RAPGEF4: variants seen among roughly 807,000 people sequenced by gnomAD.
RAPGEF4 encodes Rap guanine nucleotide exchange factor 4.
Under a neutral mutation model 147.9 loss-of-function variants are expected in RAPGEF4, and 66 were observed. The observed-to-expected ratio is 0.45, with a 90% CI of 0.37 to 0.55. RAPGEF4 has a LOEUF of 0.55. Ranked by LOEUF, RAPGEF4 falls within the 20% of genes least tolerant of loss-of-function variation. RAPGEF4 has a pLI of 0.00. For missense variants in RAPGEF4, 1,071 were observed against 1,257.3 expected (o/e 0.85, Z 2.24); for synonymous variants, 419 against 442.7 (o/e 0.95, Z 0.67).
Position 172,967,409 on chromosome 2 carries a change from C to T in RAPGEF4, c.969C>T (p.Gly323=). Residue 323 remains glycine (G), a synonymous_variant, in exon 10 of 31, where the codon GGC becomes GGT. Coordinates refer to ENST00000397081, the MANE Select transcript of RAPGEF4 (RefSeq NM_007023.4). ...QDTMLLLSQM[G]PDAHMRMILR... ...CCATGCTGCTGCTGTCACAGATGGG[C>T]CCCGACGCCCACATGAGGATGATCC... 2 of 1,611,738 alleles carry T rather than the reference C, an allele frequency of 1.2e-6. No individual in the cohort carries two copies. The highest frequency in any genetic ancestry group is 1.7e-6 in the Non-Finnish European group (2 of 1,179,696).
At chr2:172,806,057 G>A (rs946543041) in intron 3 of RAPGEF4, among the ~76,000 whole-genome samples, 51 of 119,960 alleles carry the variant, frequency 4.3e-4, no homozygotes, top group Non-Finnish European at 6.9e-4. Flanking sequence ...GTGTGTGTGT[G>A]TGTTTACTTC....
At position 173,027,214 on chromosome 2, in the gene RAPGEF4, G is replaced by A; in HGVS notation, c.2513G>A (p.Ser838Asn). Residue 838 changes from serine (S) to asparagine (N), a missense_variant, in exon 25 of 31, where the codon AGC becomes AAC. Ser to Asn is a conservative substitution (Grantham distance 46, BLOSUM62 1). Transcript: ENST00000397081. ...VTEICLCSQLSKRVQLLKKFI... is the reference protein window; with the variant it reads ...VTEICLCSQLNKRVQLLKKFI... ...GAGATCTGCCTTTGTTCTCAGCTCA[G>A]CAAGCGTGTTCAGCTATTAAAAAAA... The A allele has an allele frequency of 6.2e-7, 1 of 1,610,492 alleles. No homozygotes were observed. Among genetic ancestry groups the A allele is most frequent in the Non-Finnish European group, 8.5e-7 (1 of 1,179,126 alleles).
intron 6 of RAPGEF4, among the ~76,000 whole-genome samples, chr2:172,946,982 A>G (rs558305116): frequency 6.6e-6 from 1 of 152,356 alleles, no homozygotes; most frequent in South Asian, 2.1e-4. Flanking sequence ...AACATGTATC[A>G]TTAAATGTGC....
chr2:173,038,845 G>A (rs1169229132), intron 29 of RAPGEF4, among the ~76,000 whole-genome samples: 2 of 152,228 alleles, frequency 1.3e-5, no homozygotes, highest in Non-Finnish European at 2.9e-5. Context: ...CCAGCCATCT[G>A]TTGGGGTAGA....
At position 172,988,753 on chromosome 2, in the gene RAPGEF4, G is replaced by A. The variant is rs775710382; in HGVS notation, c.1288G>A (p.Ala430Thr). Residue 430 changes from alanine (A) to threonine (T), a missense_variant, in exon 14 of 31, where the codon GCC becomes ACC. Coordinates refer to ENST00000397081, the MANE Select transcript of RAPGEF4 (RefSeq NM_007023.4). ...DFGKLALVND[A>T]PRAASIVLRE... The stretch of plus-strand genomic sequence containing the variant: ...CGGCAAGTTAGCACTAGTGAATGAT[G>A]CCCCACGAGCTGCCTCTATCGTCTT... 6.2e-7 allele frequency: 1 copy of A among 1,612,014 alleles called. No homozygotes were observed. Among genetic ancestry groups the A allele is most frequent in the South Asian group, 1.1e-5 (1 of 91,024 alleles).
At position 173,042,266 on chromosome 2, in the gene RAPGEF4, G is replaced by A. The variant is rs1684856566; in HGVS notation, c.2853+5574G>A. Among the ~76,000 whole-genome samples, 1 of 152,128 alleles carries A rather than the reference G, an allele frequency of 6.6e-6. No homozygotes were observed. The highest frequency in any genetic ancestry group is 6.5e-5 in the Admixed American group (1 of 15,270). On this transcript the variant is annotated intron_variant, in intron 29 of 30. Coordinates refer to ENST00000397081, the MANE Select transcript of RAPGEF4 (RefSeq NM_007023.4). This position sits in a 1 kb window ranked among gnomAD's most constrained non-coding sequence, Gnocchi z 4.2. ...GAATAAAATGTAATGTTTCAGTGTT[G>A]GGCTTAGTGCACGAAAGCATTTTTC...
chr2:172,849,695 C>G (rs1227993563), intron 4 of RAPGEF4, among the ~76,000 whole-genome samples: 1 of 152,180 alleles, frequency 6.6e-6, no homozygotes, highest in East Asian at 1.9e-4. Context: ...GGAAAAGACA[C>G]TATCTTGATG....
chr2:172,801,094 T>C (rs1391649786), intron 3 of RAPGEF4, among the ~76,000 whole-genome samples: 1 of 152,192 alleles, frequency 6.6e-6, no homozygotes, highest in African/African-American at 2.4e-5. Flanking sequence ...TGTCCTGTTT[T>C]ACCAAAGGCT....
intron 4 of RAPGEF4, among the ~76,000 whole-genome samples, chr2:172,876,135 AAGG>A (rs937478287): frequency 2.6e-5 from 4 of 152,188 alleles, no homozygotes; most frequent in Non-Finnish European, 4.4e-5. Flanking sequence ...TTATCAGCTT[AAGG>A]AGATTTTGGG....
At chr2:172,902,699 G>A (rs1201128148) in intron 4 of RAPGEF4, among the ~76,000 whole-genome samples, 2 of 152,120 alleles carry the variant, frequency 1.3e-5, no homozygotes, top group Non-Finnish European at 2.9e-5. Context: ...GAAATGTAGG[G>A]CCTAATCTGT....
chr2:172,963,901 G>T (rs1488853224), intron 8 of RAPGEF4, among the ~76,000 whole-genome samples: 1 of 152,124 alleles, frequency 6.6e-6, no homozygotes, highest in Non-Finnish European at 1.5e-5. Context: ...TAATGGAAAG[G>T]ATACCTGTGA....
chr2:173,017,399 T>C lies in RAPGEF4; in HGVS notation c.1930-27T>C, dbSNP rs149209291. ...AGCATGCATTGGTCACTGTCCCTTA[T>C]GGCACTTGCTGTGGTTGTTTTTACA... On this transcript the variant is annotated intron_variant, in intron 20 of 30. Transcript: ENST00000397081. 920 of 1,602,960 alleles carry C rather than the reference T, an allele frequency of 5.7e-4. 4 individuals are homozygous for C. In the African/African-American group the frequency reaches 9.1e-3, roughly 16 times the overall value.
In RAPGEF4 at chr2:173,026,649, A is replaced by T; in HGVS notation, c.2331A>T (p.Ala777=). ...TFELMSSKDL[A]YQMTIYDWEL... ...AACTGATGAGCTCCAAAGATTTAGC[A>T]TACCAGATGACAATTTATGATTGGG... Residue 777 remains alanine (A), a synonymous_variant, in exon 24 of 31, where the codon GCA becomes GCT. Transcript: ENST00000397081. 6.2e-7 allele frequency: 1 copy of T among 1,614,108 alleles called. No homozygotes were observed. Among genetic ancestry groups the T allele is most frequent in the Non-Finnish European group, 8.5e-7 (1 of 1,179,960 alleles).
In RAPGEF4 at chr2:173,011,170, G is replaced by A. The variant is rs112054450; in HGVS notation, c.1659-3294G>A. On this transcript the variant is annotated intron_variant, in intron 17 of 30. Transcript: ENST00000397081. ...AACCTTGGAACTTCAGCGCGCGCGC[G>A]CACACACACACACACACACACACAC... 2.0e-3 allele frequency among the ~76,000 whole-genome samples: 266 copies of A among 133,566 alleles called. 2 individuals are homozygous for A. Among genetic ancestry groups the A allele is most frequent in the African/African-American group, 7.2e-3 (250 of 34,860 alleles). The allele number at this position is 133,566 out of a possible 152,430, so 87.6% of individuals were successfully genotyped here.
chr2:173,040,371 T>C (rs1684610332), intron 29 of RAPGEF4, among the ~76,000 whole-genome samples: 1 of 152,322 alleles, frequency 6.6e-6, no homozygotes, highest in Non-Finnish European at 1.5e-5. Context: ...CAGTGGCTGC[T>C]GTTGTTACTG....
At chr2:172,902,299 A>C (rs1246368035) in intron 4 of RAPGEF4, among the ~76,000 whole-genome samples, 5 of 150,396 alleles carry the variant, frequency 3.3e-5, no homozygotes, top group South Asian at 4.2e-4. Flanking sequence ...GATCTTCTTT[A>C]TTTATTTATT....
intron 6 of RAPGEF4, among the ~76,000 whole-genome samples, chr2:172,927,851 A>C (rs1559126070): frequency 6.6e-6 from 1 of 152,188 alleles, no homozygotes; most frequent in Non-Finnish European, 1.5e-5. Context: ...CCTCTGCTCT[A>C]GGGTACCAGT....
intron 4 of RAPGEF4, among the ~76,000 whole-genome samples, chr2:172,886,935 C>A (rs2149882354): frequency 6.6e-6 from 1 of 152,156 alleles, no homozygotes; most frequent in East Asian, 1.9e-4. Context: ...TGCCTGTAAT[C>A]CCAGCACTTT....
chr2:172,976,244 G>C (rs1691051469), intron 10 of RAPGEF4, among the ~76,000 whole-genome samples: 1 of 152,172 alleles, frequency 6.6e-6, no homozygotes, highest in South Asian at 2.1e-4. Context: ...AGCAGTCGGA[G>C]CTGGGTAGGA....
Sources: allele counts gnomAD v4.1 joint callset (sites outside exome capture counted in the v4.1 genomes callset), GRCh38; gene constraint gnomAD v4.1.1; non-coding constraint Gnocchi (gnomAD v3.1); transcripts MANE v1.5; gene names NCBI Gene and HGNC (gene_info 2026-07-23, HGNC 2026-07-21).